The following TALDO1 variants were observed in gnomAD, a reference collection of about 807,000 sequenced individuals.
The protein encoded by TALDO1 is transaldolase 1, also known as transaldolase.
A neutral mutation model predicts 38.1 loss-of-function variants in TALDO1; 29 were observed. The ratio of observed to expected loss-of-function variants is 0.76; its 90% CI spans 0.57 to 1.04. TALDO1 has a LOEUF of 1.04. Among genes scored for constraint, TALDO1 ranks in the 50% least tolerant of loss-of-function variants. The pLI, the probability that TALDO1 is intolerant of heterozygous loss-of-function variation, is 0.00. For synonymous variants in TALDO1, 207 were observed against 176.8 expected (o/e 1.17, Z -1.36); for missense variants, 499 against 438.1 (o/e 1.14, Z -1.24).
At position 763,920 on chromosome 11, in the gene TALDO1, G is replaced by A. The variant is rs745839366; in HGVS notation, c.811G>A (p.Val271Met). ...GCTGCTGCAGGACAACGCCAAGCTG[G>A]TGCCTGTGCTCTCAGCCAAGGCGGG... is the stretch of plus-strand genomic sequence containing the variant. ...GELLQDNAKL[V>M]PVLSAKAAQA... The change falls in exon 6 of 8, where the codon GTG becomes ATG. Residue 271 changes from valine to methionine, a missense_variant. Coordinates refer to ENST00000319006, the MANE Select transcript of TALDO1 (RefSeq NM_006755.2). 5 of 1,611,234 alleles carry A rather than the reference G, an allele frequency of 3.1e-6. No individual in the cohort carries two copies. In the African/African-American group the frequency reaches 4.0e-5, roughly 13 times the overall value.
At chr11:763,065 C>G (rs1862966703) in intron 4 of TALDO1, among the ~76,000 whole-genome samples, 1 of 151,992 alleles carries the variant, frequency 6.6e-6, no homozygotes, top group Admixed American at 6.6e-5. Flanking sequence ...CCACTTAGAG[C>G]CCTCGAGTCT....
intron 1 of TALDO1, among the ~76,000 whole-genome samples, chr11:752,073 C>G (rs1862760947): frequency 6.6e-6 from 1 of 151,658 alleles, no homozygotes; most frequent in South Asian, 2.1e-4. Context: ...ACTTGCTTTT[C>G]TTTTCTTTTT....
intron 1 of TALDO1, among the ~76,000 whole-genome samples, chr11:750,122 A>G (rs957301795): frequency 6.6e-6 from 1 of 152,086 alleles, no homozygotes; most frequent in African/African-American, 2.4e-5. Flanking sequence ...ACAGTTTCAT[A>G]AAGTGTGTAA....
Position 763,806 on chromosome 11 carries a change from G to C in TALDO1, c.697G>C (p.Val233Leu). 1.2e-6 allele frequency: 2 copies of C among 1,614,096 alleles called. No individual in the cohort carries two copies. The highest frequency in any genetic ancestry group is 1.3e-5 in the African/African-American group (1 of 75,062). The change falls in exon 6 of 8, where the codon GTC becomes CTC. Residue 233 changes from valine to leucine, a missense_variant. Physicochemically the swap from Val to Leu is conservative, Grantham distance 32 (BLOSUM62 1). Coordinates refer to ENST00000319006, the MANE Select transcript of TALDO1 (RefSeq NM_006755.2). ...CAAGAAGTTTAGCTACAAAACCATT[G>C]TCATGGGCGCCTCCTTCCGCAACAC... ...YYKKFSYKTIVMGASFRNTGE... is the reference protein window; with the variant it reads ...YYKKFSYKTILMGASFRNTGE...
chr11:763,640 C>G (rs1043852058), intron 5 of TALDO1, 107 bp from the exon 6 acceptor site: 2 of 1,565,904 alleles, frequency 1.3e-6, no homozygotes, highest in Admixed American at 3.3e-5. Context: ...CGGCGCGGGG[C>G]AGGCAGGGGT....
In TALDO1 at chr11:749,571, C is replaced by T. The variant is rs183998808; in HGVS notation, c.97+1993C>T. 9.5e-4 allele frequency among the ~76,000 whole-genome samples: 145 copies of T among 152,240 alleles called. 1 individual carries two copies. The highest frequency in any genetic ancestry group is 3.5e-3 in the African/African-American group (145 of 41,544). ...TTTGTGAAGTGAAGGTTCTTAACTC[C>T]TTGTGGGAGGGAGGCACAGGCCTCT... is the stretch of plus-strand genomic sequence containing the variant. On this transcript the variant is annotated intron_variant, in intron 1 of 7. Coordinates refer to ENST00000319006, the MANE Select transcript of TALDO1 (RefSeq NM_006755.2).
In TALDO1 at chr11:755,943, G is replaced by A. The variant is rs977492968; in HGVS notation, c.162G>A (p.Gln54=). Residue 54 remains glutamine (Q), a synonymous_variant, in exon 2 of 8, where the codon CAG becomes CAA. Transcript: ENST00000319006. ...TNPSLILAAA[Q]MPAYQELVEE... Reference sequence around the variant, plus strand: ...CGTCCCTGATCCTGGCCGCAGCACAGATGCCCGCTTACCAGGAGCTGGTGG... The same window carrying A: ...CGTCCCTGATCCTGGCCGCAGCACAAATGCCCGCTTACCAGGAGCTGGTGG... The A allele has an allele frequency of 1.2e-6, 2 of 1,614,132 alleles. No homozygotes were observed. The highest frequency in any genetic ancestry group is 2.7e-5 in the African/African-American group (2 of 75,052).
chr11:752,083 T>G (rs927833062), intron 1 of TALDO1, among the ~76,000 whole-genome samples: 1 of 151,970 alleles, frequency 6.6e-6, no homozygotes, highest in African/African-American at 2.4e-5. Context: ...CTTTTCTTTT[T>G]TTTTGGAGGC....
At chr11:760,019 T>C in intron 3 of TALDO1, 103 bp from the exon 4 acceptor site, 1 of 1,536,352 alleles carries the variant, frequency 6.5e-7, no homozygotes, top group African/African-American at 1.4e-5. Flanking sequence ...GTGCTCACGG[T>C]GGTGCTGCTC....
chr11:763,780 AC>A lies in TALDO1; in HGVS notation c.672del (p.Tyr224Ter), dbSNP rs1359826123. 1 of 1,613,984 alleles carries A rather than the reference AC, an allele frequency of 6.2e-7. No homozygotes were observed. ...AGTGTCACTAAAATCTACAACTACT[AC>A]AAGAAGTTTAGCTACAAAACCATTG... Reference protein sequence around the residue: ...VKSVTKIYNYYKKFSYKTIVM... With the variant: ...VKSVTKIYNYXKKFSYKTIVM... On this transcript the variant is annotated frameshift_variant, in exon 6 of 8. Transcript: ENST00000319006. LOFTEE classifies it high-confidence loss of function.
chr11:756,360 C>T (rs990499401), intron 2 of TALDO1: 4 of 276,546 alleles, frequency 1.4e-5, no homozygotes, highest in African/African-American at 2.2e-5. Flanking sequence ...ACTTTTCAGA[C>T]GGAGTCTCGC....
At position 764,358 on chromosome 11, in the gene TALDO1, G is replaced by C; in HGVS notation, c.906G>C (p.Gln302His). Residue 302 changes from glutamine (Q) to histidine (H), a missense_variant, in exon 7 of 8, where the codon CAG becomes CAC. Physicochemically the swap from Gln to His is conservative, Grantham distance 24. Transcript: ENST00000319006. ...KSFRWLHNED[Q>H]MAVEKLSDGI... ...TCCGTTGGTTGCACAACGAGGACCAGATGGCTGTGGAGAAGCTCTCTGACG... is the reference window on the plus strand; with the variant it reads ...TCCGTTGGTTGCACAACGAGGACCACATGGCTGTGGAGAAGCTCTCTGACG... The C allele has an allele frequency of 6.2e-7, 1 of 1,614,278 alleles. No homozygotes were observed. Among genetic ancestry groups the C allele is most frequent in the Non-Finnish European group, 8.5e-7 (1 of 1,180,042 alleles).
intron 3 of TALDO1, 110 bp from the exon 4 acceptor site, chr11:760,012 C>A: frequency 1.3e-6 from 2 of 1,495,596 alleles, no homozygotes; most frequent in Non-Finnish European, 1.8e-6. Flanking sequence ...GTGGTTGGTG[C>A]TCACGGTGGT....
Position 763,323 on chromosome 11 carries a change from TCACCTGTC to T in TALDO1, c.462-19_462-12del, listed in dbSNP as rs772012498. ...GTCCCCGCCCTCACCTGCCCCGCCC[TCACCTGTC>T]CCCGCCCCGCAGGGAGCTCGAGGAG... On this transcript the variant is annotated splice_polypyrimidine_tract_variant and intron_variant, in intron 4 of 7. Transcript: ENST00000319006. The T allele has an allele frequency of 8.4e-7, 1 of 1,193,990 alleles. No individual in the cohort carries two copies. The highest frequency in any genetic ancestry group is 1.2e-5 in the South Asian group (1 of 82,008). 74.0% of individuals were successfully genotyped at this position (1,193,990 alleles called of 1,614,324 possible). A position where few individuals can be genotyped will look rare whatever the true frequency, so the allele number is the denominator to read the frequency against.
chr11:761,156 G>C (rs927400449), intron 4 of TALDO1, among the ~76,000 whole-genome samples: 7 of 151,916 alleles, frequency 4.6e-5, no homozygotes, highest in African/African-American at 1.7e-4. Flanking sequence ...CAAGATAGTG[G>C]AACCCCGTCT....
Position 763,388 on chromosome 11 carries a change from T to C in TALDO1, c.506T>C (p.Leu169Pro), listed in dbSNP as rs142801207. Residue 169 changes from leucine to proline, a missense_variant, in exon 5 of 8, where the codon CTC becomes CCC. Leu to Pro is a moderately conservative substitution (Grantham distance 98). Transcript: ENST00000319006. ...QHGIHCNMTL[L>P]FSFAQAVACA... The stretch of plus-strand genomic sequence containing the variant: ...GGCATCCACTGCAACATGACGTTAC[T>C]CTTCTCCTTCGCCCAGGCTGTGGCC... 7.0e-5 allele frequency: 113 copies of C among 1,606,662 alleles called. 1 individual carries two copies. Among genetic ancestry groups the C allele is most frequent in the Non-Finnish European group, 9.3e-5 (109 of 1,176,112 alleles).
At chr11:764,134 T>C in intron 6 of TALDO1, 154 bp from the exon 7 acceptor site, 5 of 1,454,890 alleles carry the variant, frequency 3.4e-6, no homozygotes, top group Non-Finnish European at 3.8e-6. Flanking sequence ...CAAGGCTCTG[T>C]GGGCTGAACC....
chr11:761,433 T>C (rs967976576), intron 4 of TALDO1, among the ~76,000 whole-genome samples: 3 of 150,390 alleles, frequency 2.0e-5, no homozygotes, highest in Non-Finnish European at 3.0e-5. Flanking sequence ...CCTGGGAAGT[T>C]GAGGTTCCAG....
chr11:753,559 A>G (rs1201199567), intron 1 of TALDO1, among the ~76,000 whole-genome samples: 2 of 151,626 alleles, frequency 1.3e-5, no homozygotes, highest in Non-Finnish European at 1.5e-5. Flanking sequence ...ATACAAAAAA[A>G]AAAACACAAA....
Sources: allele counts gnomAD v4.1 joint callset (sites outside exome capture counted in the v4.1 genomes callset), GRCh38; gene constraint gnomAD v4.1.1; transcripts MANE v1.5; gene names NCBI Gene and HGNC (gene_info 2026-07-23, HGNC 2026-07-21).